The following ITGA1 variants were observed in gnomAD, a reference collection of about 807,000 sequenced individuals.
ITGA1 encodes integrin alpha-1.
In ITGA1, 85 loss-of-function variants were observed where a neutral mutation model predicts 145.9. The observed-to-expected ratio is 0.58, with a 90% CI of 0.49 to 0.70. ITGA1 has a LOEUF of 0.70. Among genes scored for constraint, ITGA1 ranks in the 30% least tolerant of loss-of-function variants. The probability of loss-of-function intolerance (pLI) is 0.00; values close to 1 mark genes in which losing one functional copy is unlikely to be tolerated. For missense variants in ITGA1, 1,351 were observed against 1,418.7 expected, an observed-to-expected ratio of 0.95 and a Z score of 0.77; for synonymous variants, 520 against 495.3, an observed-to-expected ratio of 1.05 and a Z score of -0.66.
intron 15 of ITGA1, among the ~76,000 whole-genome samples, chr5:52,918,469 TC>T (rs745813585): frequency 6.6e-6 from 1 of 152,172 alleles, no homozygotes; most frequent in Non-Finnish European, 1.5e-5. Context: ...GACACTTGAT[TC>T]CATCTCTTTT....
chr5:52,802,131 C>T lies in ITGA1; in HGVS notation c.61+13717C>T, dbSNP rs564671625. 1.3e-5 allele frequency: 4 copies of T among 297,476 alleles called. No homozygotes were observed. The Admixed American group carries it at 1.4e-4, about 11-fold the overall frequency. The allele number at this position is 297,476 out of a possible 1,614,324, so 18.4% of individuals were successfully genotyped here. On this transcript the variant is annotated intron_variant, in intron 1 of 28. Transcript: ENST00000282588. ...AACAGAAAATGTGTGTATTTAAAGA[C>T]GATGCCTATGCAGTATATTGTTTGG...
At chr5:52,806,200 G>T (rs1435070434) in intron 1 of ITGA1, among the ~76,000 whole-genome samples, 2 of 137,470 alleles carry the variant, frequency 1.5e-5, no homozygotes, top group African/African-American at 6.0e-5. Flanking sequence ...GAATTGAATT[G>T]ATTTAGAAAT....
chr5:52,905,238 C>T (rs557280984), intron 11 of ITGA1: 1 of 152,272 alleles, frequency 6.6e-6, no homozygotes, highest in East Asian at 1.9e-4. Flanking sequence ...ATTAAAACCA[C>T]CTGAATTCTA....
chr5:52,941,985 T>C (rs1277461226), intron 26 of ITGA1, among the ~76,000 whole-genome samples: 15 of 152,190 alleles, frequency 9.9e-5, no homozygotes, highest in Admixed American at 7.8e-4. Context: ...GTTTCATTCT[T>C]CTGCATATGG....
chr5:52,946,612 C>T (rs1472714803), intron 27 of ITGA1, among the ~76,000 whole-genome samples: 1 of 152,072 alleles, frequency 6.6e-6, no homozygotes, highest in Non-Finnish European at 1.5e-5. Context: ...TTGATATCTA[C>T]CCTAAATTAA....
intron 1 of ITGA1, chr5:52,800,417 T>A: frequency 6.2e-7 from 1 of 1,613,934 alleles, no homozygotes; most frequent in Admixed American, 1.7e-5. Context: ...AGGAAGAACA[T>A]CGAGAAGGAC....
intron 28 of ITGA1, among the ~76,000 whole-genome samples, chr5:52,950,422 T>C (rs1751201148): frequency 6.6e-6 from 1 of 152,232 alleles, no homozygotes; most frequent in Admixed American, 6.5e-5. Flanking sequence ...AATTATTCCA[T>C]GTTATATTCA....
At chr5:52,905,690 A>T in intron 11 of ITGA1, 73 bp from the exon 12 acceptor site, 1 of 1,254,840 alleles carries the variant, frequency 8.0e-7, no homozygotes, top group Non-Finnish European at 1.1e-6. Context: ...TTGGCCATTT[A>T]AAAAGAGTCT....
chr5:52,911,794 A>G (rs1314641399), intron 14 of ITGA1, among the ~76,000 whole-genome samples: 3 of 137,184 alleles, frequency 2.2e-5, no homozygotes, highest in Non-Finnish European at 4.6e-5. Context: ...TAGTGTATCT[A>G]CTATATATAC....
intron 1 of ITGA1, among the ~76,000 whole-genome samples, chr5:52,813,241 C>T (rs542959513): frequency 6.6e-6 from 1 of 152,164 alleles, no homozygotes; most frequent in South Asian, 2.1e-4. Flanking sequence ...CAGCCATGAC[C>T]CTCATTAAAC....
chr5:52,819,425 T>G (rs1444540030), intron 1 of ITGA1, among the ~76,000 whole-genome samples: 3 of 152,178 alleles, frequency 2.0e-5, no homozygotes, highest in Non-Finnish European at 4.4e-5. Flanking sequence ...TCATGTGTCT[T>G]TTGGCTGCAT....
At chr5:52,800,232 G>A in intron 1 of ITGA1, 1 of 663,688 alleles carries the variant, frequency 1.5e-6, no homozygotes, top group Non-Finnish European at 2.6e-6. Context: ...TGCTGCCCTA[G>A]GCTGCATGAG....
At chr5:52,919,503 C>T (rs912983790) in intron 16 of ITGA1, among the ~76,000 whole-genome samples, 16 of 151,932 alleles carry the variant, frequency 1.1e-4, no homozygotes, top group African/African-American at 3.6e-4. Context: ...GAAATATGCT[C>T]GAATCAAAGC....
intron 1 of ITGA1, among the ~76,000 whole-genome samples, chr5:52,839,958 A>G (rs949012511): frequency 6.6e-6 from 1 of 152,180 alleles, no homozygotes; most frequent in African/African-American, 2.4e-5. Context: ...CAGAAAAATT[A>G]GCCTGTTAAA....
chr5:52,908,857 C>T (rs1470927778), intron 12 of ITGA1, 41 bp from the exon 13 acceptor site: 1 of 1,601,826 alleles, frequency 6.2e-7, no homozygotes, highest in Non-Finnish European at 8.5e-7. Context: ...TTGAGAATTT[C>T]TGTTGTTCAT....
Position 52,893,934 on chromosome 5 carries a change from C to CTG in ITGA1, c.1090+95_1090+96insGT, listed in dbSNP as rs1554045457. ...ATTTATTCCTAATACATCAGTAATA[C>CTG]TTTTTTTTTTTTTTTACTGTGTACA... is the stretch of plus-strand genomic sequence containing the variant. On this transcript the variant is annotated intron_variant, in intron 9 of 28. Transcript: ENST00000282588. The CTG allele has an allele frequency of 4.4e-6, 3 of 681,922 alleles. No homozygotes were observed. The East Asian group carries it at 8.8e-5, about 20-fold the overall frequency. 42.2% of individuals were successfully genotyped at this position (681,922 alleles called of 1,614,324 possible). A position where few individuals can be genotyped will look rare whatever the true frequency, so the allele number is the denominator to read the frequency against.
At chr5:52,907,581 C>T (rs896593465) in intron 12 of ITGA1, among the ~76,000 whole-genome samples, 1 of 152,190 alleles carries the variant, frequency 6.6e-6, no homozygotes, top group African/African-American at 2.4e-5. Flanking sequence ...AATGTCAACA[C>T]CTCAAGCAAT....
At chr5:52,823,768 A>G (rs998441897) in intron 1 of ITGA1, among the ~76,000 whole-genome samples, 1 of 152,248 alleles carries the variant, frequency 6.6e-6, no homozygotes, top group African/African-American at 2.4e-5. Context: ...AAAAGAAAGA[A>G]TTGGAAACTA....
At chr5:52,912,268 C>T (rs1194981133) in intron 14 of ITGA1, among the ~76,000 whole-genome samples, 3 of 141,306 alleles carry the variant, frequency 2.1e-5, no homozygotes, top group East Asian at 4.3e-4. Context: ...TATAGTGTAT[C>T]TACTATATAC....
Sources: gnomAD v4.1 joint callset for allele counts (sites outside exome capture counted in the v4.1 genomes callset) on GRCh38, gnomAD v4.1.1 for gene constraint, MANE v1.5 for transcripts, NCBI Gene and HGNC (gene_info 2026-07-23, HGNC 2026-07-21) for gene names.